The following RIF1 variants were observed in gnomAD, a reference collection of about 807,000 sequenced individuals.
The protein encoded by RIF1 is replication timing regulatory factor 1, also known as telomere-associated protein RIF1.
RIF1 carries 45 observed loss-of-function variants against 247.1 expected under a neutral mutation model. The observed-to-expected ratio is 0.18, with a 90% CI of 0.14 to 0.23. The LOEUF (loss-of-function observed/expected upper bound fraction) is 0.23. Among genes scored for constraint, RIF1 ranks in the 10% least tolerant of loss-of-function variants. The probability of loss-of-function intolerance (pLI) is 1.00; values close to 1 mark genes in which losing one functional copy is unlikely to be tolerated. For synonymous variants in RIF1, 1,087 were observed against 978.8 expected, an observed-to-expected ratio of 1.11 and a Z score of -2.06; for missense variants, 2,967 against 2,862.5, an observed-to-expected ratio of 1.04 and a Z score of -0.83.
At chr2:151,519,985 C>A in the RIF1 span, 65 of 331,914 alleles carry the variant, frequency 2.0e-4, no homozygotes, top group East Asian at 2.8e-4. Flanking sequence ...TGGCCTTGCT[C>A]ATTTTTATAT....
chr2:151,485,679 A>G (rs2049722735), downstream of RIF1: 1 of 1,334,820 alleles, frequency 7.5e-7, no homozygotes, highest in Non-Finnish European at 1.0e-6. Context: ...TTGAGAACTT[A>G]GGTAACAGTG....
intron 11 of RIF1, among the ~76,000 whole-genome samples, chr2:151,502,636 C>G (rs566465441): frequency 6.6e-6 from 1 of 151,920 alleles, no homozygotes; most frequent in African/African-American, 2.4e-5. Context: ...AAATTTCACA[C>G]CAGAACTAAA....
rs2153071781 is a variant in RIF1, at chr2:151,501,397, A to G, written c.*710-1637A>G. ...AGAGCTTTCTCCCAAATACCGAGCT[A>G]AAGTTTTCTTGATTGAGTTTGACTC... On this transcript the variant is annotated intron_variant and NMD_transcript_variant, in intron 11 of 13. Transcript: ENST00000454583. The G allele has an allele frequency of 1.3e-6, 2 of 1,547,322 alleles. No individual in the cohort carries two copies. Among genetic ancestry groups the G allele is most frequent in the Non-Finnish European group, 8.7e-7 (1 of 1,143,522 alleles).
intron 8 of RIF1, chr2:151,423,567 A>G (rs1043163963): frequency 6.5e-6 from 1 of 153,460 alleles, no homozygotes; most frequent in Non-Finnish European, 1.4e-5. Flanking sequence ...TCATTTGTAT[A>G]AAATATCTTC....
Position 151,461,309 on chromosome 2 carries a change from T to A in RIF1, c.3227+20T>A. Reference sequence around the variant, plus strand: ...AAAGCGGTTTGTAGGCCTTTTATCTTGAGTTGGGTATTTGGTATTCAGGCT... The same window carrying A: ...AAAGCGGTTTGTAGGCCTTTTATCTAGAGTTGGGTATTTGGTATTCAGGCT... On this transcript the variant is annotated intron_variant, in intron 27 of 35. Transcript: ENST00000444746. 3 of 1,607,710 alleles carry A rather than the reference T, an allele frequency of 1.9e-6. No homozygotes were observed. The highest frequency in any genetic ancestry group is 2.5e-6 in the Non-Finnish European group (3 of 1,177,022).
intron 7 of RIF1, among the ~76,000 whole-genome samples, chr2:151,422,076 C>T (rs1330126823): frequency 3.9e-5 from 6 of 152,010 alleles, no homozygotes; most frequent in Non-Finnish European, 2.9e-5. Context: ...GTGATCCGCC[C>T]GCCTCGGCCT....
At chr2:151,473,292 CTTTTTTTTTT>C (rs11305289) in intron 34 of RIF1, among the ~76,000 whole-genome samples, 7 of 125,962 alleles carry the variant, frequency 5.6e-5, no homozygotes, top group Admixed American at 1.7e-4. Context: ...AAATTGTATC[CTTTTTTTTTT>C]TTTTTTTTTT....
chr2:151,468,837 T>G, intron 33 of RIF1, 81 bp downstream of exon 33: 1 of 989,970 alleles, frequency 1.0e-6, no homozygotes, highest in Non-Finnish European at 1.6e-6. Context: ...TTGGTTCTCA[T>G]GTTTAGAATT....
intron 11 of RIF1, among the ~76,000 whole-genome samples, 180 bp downstream of exon 11, chr2:151,435,760 G>GT (rs200108983): frequency 0.02 from 3,038 of 148,828 alleles, 85 homozygotes; most frequent in East Asian, 0.13. Context: ...ATGTTTTTCT[G>GT]TTTTTTGTTT....
At chr2:151,525,405 C>G in the RIF1 span, 1 of 655,046 alleles carries the variant, frequency 1.5e-6, no homozygotes, top group South Asian at 1.9e-5. Context: ...TAGATAAGAC[C>G]CATATTCTAG....
intron 23 of RIF1, 81 bp downstream of exon 23, chr2:151,456,701 T>A: frequency 1.2e-6 from 1 of 838,750 alleles, no homozygotes; most frequent in Non-Finnish European, 1.9e-6. Context: ...TAAACATAAT[T>A]CTGCTGATTT....
intron 9 of RIF1, chr2:151,491,583 A>C (rs1013923835): frequency 7.0e-6 from 7 of 1,005,856 alleles, no homozygotes; most frequent in Non-Finnish European, 1.1e-5. Flanking sequence ...GAAAATGGAA[A>C]ACTCTGGAGG....
chr2:151,499,596 A>ATCT, intron 11 of RIF1: 1 of 397,962 alleles, frequency 2.5e-6, no homozygotes, highest in East Asian at 4.8e-5. Flanking sequence ...GATATTCATC[A>ATCT]TCTTTTTATT....
the RIF1 span, chr2:151,529,399 A>T: frequency 1.1e-6 from 1 of 873,042 alleles, no homozygotes; most frequent in Non-Finnish European, 1.9e-6. Flanking sequence ...AAATCCATGC[A>T]TGACTATAGT....
chr2:151,518,870 A>G, the RIF1 span: 1 of 754,570 alleles, frequency 1.3e-6, no homozygotes, highest in Non-Finnish European at 2.3e-6. Flanking sequence ...AATCTAGGGT[A>G]TCAGTAGCAG....
Position 151,505,575 on chromosome 2 carries a change from A to G in RIF1, c.*862-635A>G. The G allele has an allele frequency of 6.2e-7, 1 of 1,608,092 alleles. No homozygotes were observed. Among genetic ancestry groups the G allele is most frequent in the Admixed American group, 1.7e-5 (1 of 60,020 alleles). The stretch of plus-strand genomic sequence containing the variant: ...TATTGCTTCCTTATACTTCACCTGC[A>G]GATTTAAAAATGGGAAAAGAAAGGT... On this transcript the variant is annotated intron_variant and NMD_transcript_variant, in intron 12 of 13. Coordinates refer to the RIF1 transcript ENST00000454583.
intron 21 of RIF1, among the ~76,000 whole-genome samples, chr2:151,452,613 A>C (rs1694511117): frequency 6.6e-6 from 1 of 152,232 alleles, no homozygotes; most frequent in Non-Finnish European, 1.5e-5. Flanking sequence ...GTGGAAATAT[A>C]GGTTATAGAT....
chr2:151,529,296 A>G, the RIF1 span: 12 of 1,611,644 alleles, frequency 7.4e-6, no homozygotes, highest in Non-Finnish European at 1.7e-6. Context: ...TTTCTTTGGT[A>G]TACTTCTTTG....
intron 4 of RIF1, among the ~76,000 whole-genome samples, chr2:151,415,438 C>G (rs1014522053): frequency 6.6e-6 from 1 of 150,816 alleles, no homozygotes; most frequent in African/African-American, 2.4e-5. Flanking sequence ...TGGTATTTGA[C>G]AAAAGATTAG....
Sources: gnomAD v4.1 joint callset for allele counts (sites outside exome capture counted in the v4.1 genomes callset) on GRCh38, gnomAD v4.1.1 for gene constraint, MANE v1.5 for transcripts, NCBI Gene and HGNC (gene_info 2026-07-23, HGNC 2026-07-21) for gene names.